The following ZDHHC7 variants were observed in gnomAD, a reference collection of about 807,000 sequenced individuals.
ZDHHC7 encodes palmitoyltransferase ZDHHC7.
Under a neutral mutation model 34.1 loss-of-function variants are expected in ZDHHC7, and 12 were observed. The observed-to-expected ratio is 0.35, with a 90% CI of 0.23 to 0.57. The LOEUF is 0.57. Among genes scored for constraint, ZDHHC7 ranks in the 20% least tolerant of loss-of-function variants. The pLI, the probability that ZDHHC7 is intolerant of heterozygous loss-of-function variation, is 0.84. For missense variants in ZDHHC7, 388 were observed against 402.7 expected (o/e 0.96, Z 0.31); for synonymous variants, 185 against 155.4 (o/e 1.19, Z -1.42).
chr16:85,002,752 T>C lies in ZDHHC7; in HGVS notation c.-103-6745A>G, dbSNP rs147928668. Reference sequence around the variant, plus strand: ...TGGGGGGATGGTCGACAAAGCGGAATGATCCTTCCTCCCTGGAGGAAGAAA... The same window carrying C: ...TGGGGGGATGGTCGACAAAGCGGAACGATCCTTCCTCCCTGGAGGAAGAAA... On this transcript the variant is annotated intron_variant, in intron 1 of 7. Transcript: ENST00000313732. Among the ~76,000 whole-genome samples, 20 of 152,116 alleles carry C rather than the reference T, an allele frequency of 1.3e-4. No homozygotes were observed. The East Asian group carries it at 3.9e-3, about 29-fold the overall frequency.
chr16:84,979,378 AT>A, intron 4 of ZDHHC7, 93 bp from the exon 5 acceptor site: 1 of 1,500,676 alleles, frequency 6.7e-7, no homozygotes, highest in Non-Finnish European at 8.9e-7. Context: ...GAAAATTAGA[AT>A]GTATATTCTA....
chr16:84,982,182 A>G, intron 3 of ZDHHC7, 188 bp from the exon 4 acceptor site: 1 of 561,440 alleles, frequency 1.8e-6, no homozygotes, highest in Non-Finnish European at 2.9e-6. Context: ...CGTCTCTACT[A>G]AAGATACAAA....
In ZDHHC7 at chr16:84,990,419, A is replaced by T. The variant is rs201638102; in HGVS notation, c.200T>A (p.Phe67Tyr). 1.2e-6 allele frequency: 2 copies of T among 1,614,180 alleles called. No individual in the cohort carries two copies. Among genetic ancestry groups the T allele is most frequent in the Non-Finnish European group, 1.7e-6 (2 of 1,180,034 alleles). Residue 67 changes from phenylalanine to tyrosine, a missense_variant, in exon 3 of 8, where the codon TTC (phenylalanine) becomes TAC (tyrosine). Transcript: ENST00000313732. ...LVAYADFVVT[F>Y]VMLLPSKDFW... Reference sequence around the variant, plus strand: ...GTCTTTGGAAGGCAGCAGCATGACGAAAGTCACCACGAAGTCTGCATAGGC... The same window carrying T: ...GTCTTTGGAAGGCAGCAGCATGACGTAAGTCACCACGAAGTCTGCATAGGC...
intron 2 of ZDHHC7, among the ~76,000 whole-genome samples, chr16:84,991,243 T>G (rs1344010597): frequency 2.0e-5 from 3 of 152,246 alleles, no homozygotes; most frequent in Non-Finnish European, 4.4e-5. Flanking sequence ...TTTATATCTC[T>G]GTTCCTTGAC....
chr16:84,994,868 G>C (rs980228410), intron 2 of ZDHHC7, among the ~76,000 whole-genome samples: 1 of 152,188 alleles, frequency 6.6e-6, no homozygotes, highest in Non-Finnish European at 1.5e-5. Context: ...AGCAAAGTTA[G>C]GCTGGACAAA....
At position 84,976,510 on chromosome 16, in the gene ZDHHC7, G is replaced by T; in HGVS notation, c.760C>A (p.Arg254=). 2 of 1,613,328 alleles carry T rather than the reference G, an allele frequency of 1.2e-6. No individual in the cohort carries two copies. The highest frequency in any genetic ancestry group is 1.7e-6 in the Non-Finnish European group (2 of 1,179,934). Residue 254 remains arginine, a synonymous_variant, in exon 8 of 8, where the codon CGA becomes AGA. Coordinates refer to ENST00000313732, the MANE Select transcript of ZDHHC7 (RefSeq NM_017740.3). ...SICNDETEIE[R]LKSEKPTWER... ...CATGTGGGCTTCTCACTTTTCAATC[G>T]CTCGATCTCCTGGAAGCAGAAAGAA...
chr16:85,007,422 CA>C lies in ZDHHC7; in HGVS notation c.-104+3863del, dbSNP rs138373927. Among the ~76,000 whole-genome samples, 514 of 85,474 alleles carry C rather than the reference CA, an allele frequency of 6.0e-3. 1 individual carries two copies. The highest frequency in any genetic ancestry group is 0.017 in the African/African-American group (368 of 22,112). The allele number at this position is 85,474 out of a possible 152,430, so 56.1% of individuals were successfully genotyped here. On this transcript the variant is annotated intron_variant, in intron 1 of 7. Transcript: ENST00000313732. ...TGGGCAACAGAGCGATACTCCATCT[CA>C]AAAAAAAAAAAAAAAAGAATGGAAT...
intron 3 of ZDHHC7, among the ~76,000 whole-genome samples, chr16:84,988,246 G>C (rs550336861): frequency 6.6e-6 from 1 of 152,126 alleles, no homozygotes; most frequent in South Asian, 2.1e-4. Context: ...AGGGCGTCGG[G>C]TGGTGGGGTC....
chr16:85,000,580 TA>T (rs1209040255), intron 1 of ZDHHC7, among the ~76,000 whole-genome samples: 1 of 152,208 alleles, frequency 6.6e-6, no homozygotes, highest in Non-Finnish European at 1.5e-5. Flanking sequence ...TATATTAAAA[TA>T]CTATTTAAAC....
intron 2 of ZDHHC7, among the ~76,000 whole-genome samples, chr16:84,994,684 G>A (rs369258793): frequency 1.3e-5 from 2 of 152,248 alleles, no homozygotes; most frequent in Admixed American, 6.5e-5. Context: ...TAAGGAGAGC[G>A]CCCACAGACA....
At chr16:84,987,207 G>A (rs1416609005) in intron 3 of ZDHHC7, among the ~76,000 whole-genome samples, 1 of 152,202 alleles carries the variant, frequency 6.6e-6, no homozygotes, top group Admixed American at 6.5e-5. Context: ...CATTTACAGT[G>A]ACTCCTGGTG....
At chr16:84,988,673 G>A (rs1459810119) in intron 3 of ZDHHC7, 1 of 1,114,876 alleles carries the variant, frequency 9.0e-7, no homozygotes, top group African/African-American at 1.5e-5. Context: ...AGAGGAGGAA[G>A]GGGCAAGTGC....
chr16:85,007,194 C>T (rs909592550), intron 1 of ZDHHC7, among the ~76,000 whole-genome samples: 13 of 151,898 alleles, frequency 8.6e-5, no homozygotes, highest in African/African-American at 2.7e-4. Context: ...GAGGCCAAGG[C>T]AGGTGGATCA....
chr16:85,013,504 A>C (rs1342346348), upstream of ZDHHC7, among the ~76,000 whole-genome samples: 3 of 152,142 alleles, frequency 2.0e-5, no homozygotes, highest in East Asian at 5.8e-4. Flanking sequence ...TGGCCTCCCA[A>C]AGTGCTGGGA....
upstream of ZDHHC7, among the ~76,000 whole-genome samples, chr16:85,014,289 G>C (rs1224837184): frequency 6.6e-6 from 1 of 152,190 alleles, no homozygotes; most frequent in African/African-American, 2.4e-5. Context: ...GTAGAAGTTT[G>C]GGGATCGTTT....
rs757481359 is a variant in ZDHHC7 at position 84,976,438 on chromosome 16, G to A, written c.832C>T (p.Pro278Ser). The A allele has an allele frequency of 7.4e-6, 12 of 1,613,908 alleles. No homozygotes were observed. In the East Asian group the frequency reaches 1.3e-4, roughly 18 times the overall value. Residue 278 changes from proline to serine, a missense_variant, in exon 8 of 8, where the codon CCC (proline) becomes TCC (serine). Physicochemically the swap from Pro to Ser is moderately conservative, Grantham distance 74. Coordinates refer to ENST00000313732, the MANE Select transcript of ZDHHC7 (RefSeq NM_017740.3). The stretch of plus-strand genomic sequence containing the variant: ...GGATTCATCCAGAGGAGTGAGGGGG[G>A]CCCCCCAAAGACGGACTTCATCCCT... Reference protein sequence around the residue: ...WEGMKSVFGGPPSLLWMNPFV... With the variant: ...WEGMKSVFGGSPSLLWMNPFV...
At chr16:84,978,580 C>T (rs980821242) in intron 5 of ZDHHC7, among the ~76,000 whole-genome samples, 5 of 151,086 alleles carry the variant, frequency 3.3e-5, no homozygotes, top group Non-Finnish European at 5.9e-5. Context: ...AAAAAATAAA[C>T]GGCCGGGCAC....
intron 3 of ZDHHC7, chr16:84,988,777 GCA>G: frequency 6.4e-7 from 1 of 1,551,580 alleles, no homozygotes; most frequent in Non-Finnish European, 8.7e-7. Context: ...AGGAGGCTTT[GCA>G]CAGACTCGGT....
At chr16:84,981,329 C>T (rs2072364687) in intron 4 of ZDHHC7, among the ~76,000 whole-genome samples, 1 of 152,062 alleles carries the variant, frequency 6.6e-6, no homozygotes, top group African/African-American at 2.4e-5. Flanking sequence ...AGAGCACGCC[C>T]AAATAAATAC....
Sources: gnomAD v4.1 joint callset for allele counts (sites outside exome capture counted in the v4.1 genomes callset) on GRCh38, gnomAD v4.1.1 for gene constraint, MANE v1.5 for transcripts, NCBI Gene and HGNC (gene_info 2026-07-23, HGNC 2026-07-21) for gene names.